FSTL4: variants seen among roughly 807,000 people sequenced by gnomAD.
The protein encoded by FSTL4 is follistatin like 4, also known as follistatin-related protein 4.
A neutral mutation model predicts 78.2 loss-of-function variants in FSTL4; 28 were observed. That is an observed-to-expected ratio of 0.36 (90% CI 0.27 to 0.49). The LOEUF (loss-of-function observed/expected upper bound fraction) is 0.49. FSTL4 is among the 20% of genes least tolerant of loss of function. The probability of loss-of-function intolerance (pLI) is 0.98; values close to 1 mark genes in which losing one functional copy is unlikely to be tolerated. For missense variants in FSTL4, 922 were observed against 1,084.9 expected, an observed-to-expected ratio of 0.85 and a Z score of 2.11; for synonymous variants, 422 against 440.5, an observed-to-expected ratio of 0.96 and a Z score of 0.53.
chr5:133,469,461 G>A (rs1184749357), intron 3 of FSTL4, among the ~76,000 whole-genome samples: 1 of 152,186 alleles, frequency 6.6e-6, no homozygotes, highest in Non-Finnish European at 1.5e-5. Flanking sequence ...GTGAATTTTG[G>A]TGCTGTTCCC....
intron 4 of FSTL4, among the ~76,000 whole-genome samples, chr5:133,326,067 G>T (rs115379136): frequency 2.0e-5 from 3 of 152,194 alleles, no homozygotes; most frequent in Non-Finnish European, 2.9e-5. Flanking sequence ...GCTAAGCTGC[G>T]CAAAGAACAA....
At chr5:133,472,882 G>T (rs1757852454) in intron 3 of FSTL4, among the ~76,000 whole-genome samples, 1 of 152,230 alleles carries the variant, frequency 6.6e-6, no homozygotes, top group African/African-American at 2.4e-5. Flanking sequence ...TGTAGCAGGG[G>T]TTGGAGGGCA....
chr5:133,425,254 C>T (rs78106458), intron 3 of FSTL4, among the ~76,000 whole-genome samples: 6,176 of 152,156 alleles, frequency 0.041, 204 homozygotes, highest in African/African-American at 0.085. Context: ...TAGCTAAGTC[C>T]GAGGTTTGTC....
chr5:133,601,211 A>G (rs558077823), intron 2 of FSTL4, among the ~76,000 whole-genome samples: 1 of 152,354 alleles, frequency 6.6e-6, no homozygotes, highest in African/African-American at 2.4e-5. Flanking sequence ...GAAGCACCAG[A>G]GTGACTTTAT....
the FSTL4 span, among the ~76,000 whole-genome samples, chr5:133,683,314 T>C: frequency 6.6e-6 from 1 of 152,218 alleles, no homozygotes; most frequent in African/African-American, 2.4e-5. Context: ...CAGAAATAAA[T>C]AAAATTTATC....
the FSTL4 span, among the ~76,000 whole-genome samples, chr5:133,718,272 G>T: frequency 6.6e-6 from 1 of 152,062 alleles, no homozygotes; most frequent in African/African-American, 2.4e-5. Flanking sequence ...GTAGAGACAA[G>T]GTTTCACTAT....
intron 3 of FSTL4, among the ~76,000 whole-genome samples, chr5:133,442,913 A>C (rs1327043161): frequency 6.6e-6 from 1 of 152,228 alleles, no homozygotes; most frequent in South Asian, 2.1e-4. Context: ...TCAAAGCAAC[A>C]ACAGGTATCC....
At chr5:133,337,159 C>A (rs1213671648) in intron 4 of FSTL4, among the ~76,000 whole-genome samples, 3 of 152,226 alleles carry the variant, frequency 2.0e-5, no homozygotes, top group Non-Finnish European at 4.4e-5. Flanking sequence ...CCTGCCCTTG[C>A]ACCAGCATGG....
chr5:133,515,814 A>G (rs7710746), intron 3 of FSTL4, among the ~76,000 whole-genome samples: 10,304 of 152,196 alleles, frequency 0.068, 376 homozygotes, highest in Non-Finnish European at 0.076. Flanking sequence ...ACCAAATGAC[A>G]AAAAAGCAAG....
At chr5:133,604,446 A>T (rs1317434715) in intron 1 of FSTL4, among the ~76,000 whole-genome samples, 2 of 152,122 alleles carry the variant, frequency 1.3e-5, no homozygotes, top group African/African-American at 2.4e-5. Context: ...AGTGGCTCAC[A>T]ACCTGTAATC....
chr5:133,245,034 C>T lies in FSTL4; in HGVS notation c.894+4376G>A, dbSNP rs139623335. 2.0e-3 allele frequency among the ~76,000 whole-genome samples: 300 copies of T among 150,508 alleles called. 3 individuals carry two copies. The highest frequency in any genetic ancestry group is 6.8e-3 in the African/African-American group (279 of 40,826). Reference sequence around the variant, plus strand: ...ACTCTGGAGGCTGTGATGGGAGGATCGCTTGAGCTCTGGAGGTCGAGGCTG... The same window carrying T: ...ACTCTGGAGGCTGTGATGGGAGGATTGCTTGAGCTCTGGAGGTCGAGGCTG... On this transcript the variant is annotated intron_variant, in intron 7 of 15. Transcript: ENST00000265342.
chr5:133,224,799 T>G (rs1751272359), intron 10 of FSTL4, among the ~76,000 whole-genome samples: 1 of 152,152 alleles, frequency 6.6e-6, no homozygotes, highest in African/African-American at 2.4e-5. Flanking sequence ...ACAGGTCAGG[T>G]TCTGGGCCAC....
chr5:133,337,457 C>A (rs1029154084), intron 4 of FSTL4, among the ~76,000 whole-genome samples: 2 of 152,172 alleles, frequency 1.3e-5, no homozygotes, highest in East Asian at 3.9e-4. Flanking sequence ...GAGCCCGAGG[C>A]TTCTTCGAGG....
chr5:133,436,697 G>A (rs1757039945), intron 3 of FSTL4, among the ~76,000 whole-genome samples: 1 of 152,118 alleles, frequency 6.6e-6, no homozygotes, highest in East Asian at 1.9e-4. Flanking sequence ...TTACACTACG[G>A]AAATTGGCAA....
At chr5:133,776,648 T>A in the FSTL4 span, among the ~76,000 whole-genome samples, 7 of 152,222 alleles carry the variant, frequency 4.6e-5, no homozygotes, top group Non-Finnish European at 1.0e-4. Context: ...CAGCTTCTCC[T>A]TGACTGCCCA....
At chr5:133,631,642 T>G in the FSTL4 span, among the ~76,000 whole-genome samples, 2 of 152,160 alleles carry the variant, frequency 1.3e-5, no homozygotes, top group African/African-American at 4.8e-5. Flanking sequence ...GCAATCCCAT[T>G]ATTGGGTATA....
Position 133,611,258 on chromosome 5 carries a change from C to T in FSTL4, c.-11+1067G>A, listed in dbSNP as rs1173092610. Among the ~76,000 whole-genome samples, 1 of 152,140 alleles carries T rather than the reference C, an allele frequency of 6.6e-6. No individual in the cohort carries two copies. The highest frequency in any genetic ancestry group is 1.5e-5 in the Non-Finnish European group (1 of 68,008). ...ACCCGCGCACTCCTAGTGCACTTGC[C>T]GCGCCGCGCGGAGGCTCGCCGCGCT... On this transcript the variant is annotated intron_variant, in intron 1 of 15. Transcript: ENST00000265342. The surrounding 1 kb of genome is among the most constrained non-coding windows in gnomAD (Gnocchi z 4.9).
chr5:133,359,894 A>G, intron 4 of FSTL4, among the ~76,000 whole-genome samples: 1 of 152,226 alleles, frequency 6.6e-6, no homozygotes, highest in Non-Finnish European at 1.5e-5. Context: ...AGGCCAGGGC[A>G]GGTGTGGAAA....
chr5:133,388,871 G>C (rs1250261061), intron 4 of FSTL4, among the ~76,000 whole-genome samples: 1 of 151,006 alleles, frequency 6.6e-6, no homozygotes, highest in South Asian at 2.1e-4. Flanking sequence ...TCTCATTCTC[G>C]GTGTATTTGG....
Sources: allele counts gnomAD v4.1 joint callset (sites outside exome capture counted in the v4.1 genomes callset), GRCh38; gene constraint gnomAD v4.1.1; non-coding constraint Gnocchi (gnomAD v3.1); transcripts MANE v1.5; gene names NCBI Gene and HGNC (gene_info 2026-07-23, HGNC 2026-07-21).